The following ITPR1 variants were observed in gnomAD, a reference collection of about 807,000 sequenced individuals.
The protein encoded by ITPR1 is inositol 1,4,5-trisphosphate receptor type 1.
Under a neutral mutation model 318.4 loss-of-function variants are expected in ITPR1, and 96 were observed. That is an observed-to-expected ratio of 0.30 (90% CI 0.26 to 0.36). ITPR1 has a LOEUF of 0.36. ITPR1 is among the 10% of genes least tolerant of loss of function. ITPR1 has a pLI of 1.00. For missense variants in ITPR1, 2,440 were observed against 3,460.2 expected (o/e 0.71, Z 7.40); for synonymous variants, 1,312 against 1,289.9 (o/e 1.02, Z -0.37).
chr3:4,605,846 C>T (rs1429321594), intron 4 of ITPR1, among the ~76,000 whole-genome samples: 1 of 152,142 alleles, frequency 6.6e-6, no homozygotes, highest in East Asian at 1.9e-4. Flanking sequence ...TGGTTGTTCT[C>T]CTCTCTCCAC....
At chr3:4,765,389 G>A (rs2045747845) in intron 44 of ITPR1, among the ~76,000 whole-genome samples, 1 of 152,220 alleles carries the variant, frequency 6.6e-6, no homozygotes, top group African/African-American at 2.4e-5. Context: ...AAGTGTGTGA[G>A]TCAATGGCTG....
intron 31 of ITPR1, among the ~76,000 whole-genome samples, chr3:4,690,268 G>C (rs6803382): frequency 0.5 from 75,430 of 151,836 alleles, 19,448 homozygotes; most frequent in Non-Finnish European, 0.56. Flanking sequence ...AAGCAAGACT[G>C]TATCTCAAAT....
At chr3:4,770,849 C>T (rs914570828) in intron 46 of ITPR1, among the ~76,000 whole-genome samples, 1 of 152,162 alleles carries the variant, frequency 6.6e-6, no homozygotes, top group Admixed American at 6.5e-5. Context: ...TATCTGAAGG[C>T]CACTGTTTCC....
At chr3:4,694,719 A>T (rs2125251366) in intron 33 of ITPR1, among the ~76,000 whole-genome samples, 1 of 152,380 alleles carries the variant, frequency 6.6e-6, no homozygotes, top group East Asian at 1.9e-4. Context: ...AAGGTCCAGT[A>T]AAAATTGGGT....
intron 35 of ITPR1, among the ~76,000 whole-genome samples, chr3:4,702,249 A>C (rs2094671114): frequency 6.6e-6 from 1 of 152,262 alleles, no homozygotes; most frequent in South Asian, 2.1e-4. Flanking sequence ...ACTCATCATA[A>C]TAAATGAATA....
chr3:4,497,577 G>T (rs2080690875), intron 2 of ITPR1, among the ~76,000 whole-genome samples: 1 of 152,158 alleles, frequency 6.6e-6, no homozygotes, highest in Non-Finnish European at 1.5e-5. Flanking sequence ...AATAACAAGT[G>T]GAGAAATTAG....
At chr3:4,557,397 TC>T (rs1408803778) in intron 4 of ITPR1, among the ~76,000 whole-genome samples, 1 of 152,154 alleles carries the variant, frequency 6.6e-6, no homozygotes, top group Admixed American at 6.5e-5. Flanking sequence ...GCCAGGTCCC[TC>T]CCATGACAAG....
chr3:4,590,762 G>A (rs1218633742), intron 4 of ITPR1, among the ~76,000 whole-genome samples: 2 of 151,864 alleles, frequency 1.3e-5, no homozygotes, highest in Non-Finnish European at 2.9e-5. Context: ...TGAAGCATGG[G>A]AAGATTTGTC....
At chr3:4,673,869 A>T (rs918949997) in intron 21 of ITPR1, among the ~76,000 whole-genome samples, 2 of 152,204 alleles carry the variant, frequency 1.3e-5, no homozygotes, top group Non-Finnish European at 2.9e-5. Flanking sequence ...GGCGTGAGCC[A>T]CCGCGCCTGG....
At chr3:4,756,632 C>T (rs1049819849) in intron 44 of ITPR1, among the ~76,000 whole-genome samples, 2 of 152,146 alleles carry the variant, frequency 1.3e-5, no homozygotes, top group African/African-American at 4.8e-5. Flanking sequence ...GCCTCCAGCT[C>T]CATCCACGTT....
At position 4,826,419 on chromosome 3, in the gene ITPR1, C is replaced by A. The variant is rs1237589017; in HGVS notation, c.8028+8177C>A. On this transcript the variant is annotated intron_variant, in intron 60 of 61. Coordinates refer to ENST00000649015, the MANE Select transcript of ITPR1 (RefSeq NM_001378452.1). This position sits in a 1 kb window ranked among gnomAD's most constrained non-coding sequence, Gnocchi z 4.2. Reference sequence around the variant, plus strand: ...CTGCCAAATACGATTCCCAGAATGCCCCCTGAAGTTAGCTGGCACCACGGC... The same window carrying A: ...CTGCCAAATACGATTCCCAGAATGCACCCTGAAGTTAGCTGGCACCACGGC... Among the ~76,000 whole-genome samples, 1 of 152,188 alleles carries A rather than the reference C, an allele frequency of 6.6e-6. No homozygotes were observed. Among genetic ancestry groups the A allele is most frequent in the African/African-American group, 2.4e-5 (1 of 41,446 alleles).
At chr3:4,495,299 G>A (rs190483466) in intron 2 of ITPR1, among the ~76,000 whole-genome samples, 2 of 152,020 alleles carry the variant, frequency 1.3e-5, no homozygotes, top group Non-Finnish European at 2.9e-5. Flanking sequence ...AGGTAGGTGG[G>A]GGTGGGTGGC....
At chr3:4,644,323 T>C in intron 8 of ITPR1, 89 bp downstream of exon 8, 1 of 835,834 alleles carries the variant, frequency 1.2e-6, no homozygotes. Flanking sequence ...TGAGAGTGAC[T>C]TCAGCAGTGA....
At chr3:4,808,740 G>A (rs1240547317) in intron 55 of ITPR1, among the ~76,000 whole-genome samples, 3 of 152,212 alleles carry the variant, frequency 2.0e-5, no homozygotes, top group African/African-American at 7.2e-5. Flanking sequence ...CGGGCTGCCT[G>A]TAAAAGGAGA....
At chr3:4,659,520 C>T (rs960718633) in intron 13 of ITPR1, among the ~76,000 whole-genome samples, 1 of 151,402 alleles carries the variant, frequency 6.6e-6, no homozygotes, top group Non-Finnish European at 1.5e-5. Context: ...CCCGACTCTA[C>T]AAAAAAAATG....
Position 4,806,917 on chromosome 3 carries a change from G to A in ITPR1, c.7272+650G>A, listed in dbSNP as rs35271655. On this transcript the variant is annotated intron_variant, in intron 55 of 61. Transcript: ENST00000649015. ...GTTGGAGGGAATCTAGACCTGTGGC[G>A]TTGTAGATAAGAAACCATTTTCTTG... Among the ~76,000 whole-genome samples the A allele has an allele frequency of 3.0e-3, 453 of 152,190 alleles. 4 individuals carry two copies. Among genetic ancestry groups the A allele is most frequent in the Middle Eastern group, 0.014 (4 of 294 alleles).
chr3:4,735,376 TG>T, intron 44 of ITPR1, 22 bp downstream of exon 44: 1 of 1,593,264 alleles, frequency 6.3e-7, no homozygotes, highest in South Asian at 1.1e-5. Context: ...GCTTGGCTAC[TG>T]GTATGGCATC....
rs916505013 is a variant in ITPR1 at position 4,667,372 on chromosome 3, T to C, written c.1714-5T>C. The C allele has an allele frequency of 6.3e-7, 1 of 1,597,358 alleles. No individual in the cohort carries two copies. The highest frequency in any genetic ancestry group is 8.5e-7 in the Non-Finnish European group (1 of 1,170,374). On this transcript the variant is annotated splice_region_variant and splice_polypyrimidine_tract_variant and intron_variant, in intron 17 of 61. Transcript: ENST00000649015. Reference sequence around the variant, plus strand: ...TACTGACGTCTCTTTTCTCTCCTTATAAAGGAGTATATAGCCAAGCAGTTT... The same window carrying C: ...TACTGACGTCTCTTTTCTCTCCTTACAAAGGAGTATATAGCCAAGCAGTTT...
intron 45 of ITPR1, among the ~76,000 whole-genome samples, chr3:4,767,629 C>A (rs1193115692): frequency 1.3e-5 from 2 of 152,250 alleles, no homozygotes; most frequent in Non-Finnish European, 2.9e-5. Flanking sequence ...GATGATCCTC[C>A]CACCTCAGCC....
Sources: gnomAD v4.1 joint callset for allele counts (sites outside exome capture counted in the v4.1 genomes callset) on GRCh38, gnomAD v4.1.1 for gene constraint, Gnocchi (gnomAD v3.1) non-coding constraint, MANE v1.5 for transcripts, NCBI Gene and HGNC (gene_info 2026-07-23, HGNC 2026-07-21) for gene names.